Variants in RALYL observed in about 807,000 individuals in gnomAD.
The protein encoded by RALYL is RNA-binding Raly-like protein.
Under a neutral mutation model 35.1 loss-of-function variants are expected in RALYL, and 29 were observed. The observed-to-expected ratio is 0.83, with a 90% CI of 0.61 to 1.13. The LOEUF (loss-of-function observed/expected upper bound fraction) is 1.13. RALYL is among the 50% of genes most tolerant of loss of function. The pLI, the probability that RALYL is intolerant of heterozygous loss-of-function variation, is 0.00. For synonymous variants in RALYL, 120 were observed against 127.6 expected (o/e 0.94, Z 0.40); for missense variants, 359 against 360.4 (o/e 1.00, Z 0.03).
At chr8:84,489,592 GTAT>G (rs925433520) in intron 1 of RALYL, among the ~76,000 whole-genome samples, 2 of 151,978 alleles carry the variant, frequency 1.3e-5, no homozygotes, top group African/African-American at 4.8e-5. Flanking sequence ...GAATTACTGT[GTAT>G]TATATGTTTT....
chr8:84,896,126 CT>C (rs776527255), intron 8 of RALYL, among the ~76,000 whole-genome samples: 6 of 152,148 alleles, frequency 3.9e-5, no homozygotes, highest in Non-Finnish European at 5.9e-5. Flanking sequence ...TTGCTGCTGC[CT>C]TTTGTGAGAA....
intron 1 of RALYL, among the ~76,000 whole-genome samples, chr8:84,323,806 G>A (rs1364002869): frequency 3.9e-5 from 6 of 151,958 alleles, no homozygotes; most frequent in Non-Finnish European, 5.9e-5. Flanking sequence ...CAAGTATTTT[G>A]TCAGTTAAAA....
chr8:84,423,689 G>A (rs1369104076), intron 1 of RALYL, among the ~76,000 whole-genome samples: 4 of 151,188 alleles, frequency 2.6e-5, no homozygotes, highest in East Asian at 1.9e-4. Context: ...GGCTGGTACC[G>A]GTTGTTCCTT....
At chr8:84,527,675 A>G (rs1389279556) in intron 1 of RALYL, among the ~76,000 whole-genome samples, 3 of 152,274 alleles carry the variant, frequency 2.0e-5, no homozygotes, top group East Asian at 1.9e-4. Flanking sequence ...GATATACAAT[A>G]TCTCAAATTG....
intron 5 of RALYL, among the ~76,000 whole-genome samples, chr8:84,853,375 T>G (rs1836282851): frequency 6.6e-6 from 1 of 152,202 alleles, no homozygotes; most frequent in Non-Finnish European, 1.5e-5. Context: ...GATAGATGGA[T>G]GGATGGAGAT....
At chr8:84,695,106 A>G (rs1207577883) in intron 2 of RALYL, among the ~76,000 whole-genome samples, 2 of 151,782 alleles carry the variant, frequency 1.3e-5, no homozygotes, top group Non-Finnish European at 3.0e-5. Flanking sequence ...TTTTTATTAT[A>G]AAAGTTTTCT....
intron 2 of RALYL, among the ~76,000 whole-genome samples, chr8:84,683,620 G>A (rs1158903489): frequency 6.6e-6 from 1 of 152,076 alleles, no homozygotes; most frequent in African/African-American, 2.4e-5. Context: ...TACAGCACTG[G>A]GGCTGAGATT....
chr8:84,888,958 C>G (rs910452168), intron 8 of RALYL, among the ~76,000 whole-genome samples: 1 of 152,138 alleles, frequency 6.6e-6, no homozygotes, highest in Non-Finnish European at 1.5e-5. Context: ...CCATGTTGGC[C>G]AGGCTGGTCT....
chr8:84,335,228 C>T (rs73293100), intron 1 of RALYL, among the ~76,000 whole-genome samples: 3,067 of 152,220 alleles, frequency 0.02, 111 homozygotes, highest in African/African-American at 0.07. Context: ...CAGTCTCTCT[C>T]CTCTTGCTGG....
chr8:84,213,099 A>G (rs1563542158), intron 1 of RALYL, among the ~76,000 whole-genome samples: 1 of 152,196 alleles, frequency 6.6e-6, no homozygotes. Context: ...GTATGAAAAT[A>G]GAAATTTTCA....
chr8:84,874,720 C>G (rs1840814079), intron 7 of RALYL, among the ~76,000 whole-genome samples: 1 of 152,208 alleles, frequency 6.6e-6, no homozygotes, highest in African/African-American at 2.4e-5. Context: ...GAAATAAACT[C>G]TGGTTCAAAT....
intron 1 of RALYL, chr8:84,184,959 C>T (rs1473099558): frequency 6.2e-7 from 1 of 1,613,274 alleles, no homozygotes; most frequent in African/African-American, 1.3e-5. Context: ...GAGGATGGCA[C>T]CGGCCCTCGC....
rs547361642 is a variant in RALYL, at chr8:84,442,658, A to G, written c.-23-86641A>G. On this transcript the variant is annotated intron_variant, in intron 1 of 8. Transcript: ENST00000521268. ...GTAGGAATGCTTCTTCCCTCACAGG[A>G]AACAGCAAAAGGAAGCTGTGAACTA... Among the ~76,000 whole-genome samples the G allele has an allele frequency of 1.2e-4, 18 of 152,274 alleles. 2 individuals carry two copies. In the South Asian group the frequency reaches 3.5e-3, roughly 30 times the overall value.
At chr8:84,612,522 A>C (rs1818534300) in intron 2 of RALYL, among the ~76,000 whole-genome samples, 1 of 152,030 alleles carries the variant, frequency 6.6e-6, no homozygotes, top group South Asian at 2.1e-4. Flanking sequence ...GACTATGCAA[A>C]AGAAAATAGA....
intron 1 of RALYL, among the ~76,000 whole-genome samples, chr8:84,296,667 T>G (rs1839816680): frequency 7.1e-6 from 1 of 140,752 alleles, no homozygotes; most frequent in South Asian, 2.3e-4. Flanking sequence ...GAGGTGTATC[T>G]CTCAAGGAAC....
At chr8:84,729,073 C>T (rs1451610113) in intron 2 of RALYL, among the ~76,000 whole-genome samples, 1 of 152,068 alleles carries the variant, frequency 6.6e-6, no homozygotes, top group East Asian at 1.9e-4. Flanking sequence ...GGCAGTATGG[C>T]CATTTTCATG....
At chr8:84,714,784 T>A (rs1842711288) in intron 2 of RALYL, among the ~76,000 whole-genome samples, 2 of 151,710 alleles carry the variant, frequency 1.3e-5, no homozygotes, top group East Asian at 3.9e-4. Context: ...AGCTATTGCA[T>A]AAGTGGGCAA....
intron 1 of RALYL, among the ~76,000 whole-genome samples, chr8:84,441,467 T>C (rs985519311): frequency 6.6e-6 from 1 of 152,132 alleles, no homozygotes; most frequent in Admixed American, 6.6e-5. Context: ...GTGATGTTCA[T>C]AACAATAAAG....
chr8:84,259,545 T>G lies in RALYL; in HGVS notation c.-24+75121T>G, dbSNP rs147175330. Among the ~76,000 whole-genome samples, 421 of 152,306 alleles carry G rather than the reference T, an allele frequency of 2.8e-3. 2 individuals are homozygous for G. The highest frequency in any genetic ancestry group is 9.5e-3 in the African/African-American group (396 of 41,590). On this transcript the variant is annotated intron_variant, in intron 1 of 8. Coordinates refer to ENST00000521268, the MANE Select transcript of RALYL (RefSeq NM_173848.7). ...TAAATGTGAGACCAGAATACAATCT[T>G]CCTCATGGCAGTTTAGTAATTTTTT...
Sources: gnomAD v4.1 joint callset for allele counts (sites outside exome capture counted in the v4.1 genomes callset) on GRCh38, gnomAD v4.1.1 for gene constraint, MANE v1.5 for transcripts, NCBI Gene and HGNC (gene_info 2026-07-23, HGNC 2026-07-21) for gene names.